The following RFX2 variants were observed in gnomAD, a reference collection of about 807,000 sequenced individuals.
RFX2 encodes regulatory factor X2.
Under a neutral mutation model 87.8 loss-of-function variants are expected in RFX2, and 20 were observed. The observed-to-expected ratio is 0.23, with a 90% CI of 0.16 to 0.33. The LOEUF (loss-of-function observed/expected upper bound fraction) is 0.33, where lower values mean the gene tolerates loss of function less well. Among genes scored for constraint, RFX2 ranks in the 10% least tolerant of loss-of-function variants. The pLI is 1.00. For synonymous variants in RFX2, 397 were observed against 431.3 expected, an observed-to-expected ratio of 0.92 and a Z score of 0.98; for missense variants, 767 against 1,012.3, an observed-to-expected ratio of 0.76 and a Z score of 3.29.
At chr19:6,084,785 C>T (rs2144867426) in intron 1 of RFX2, among the ~76,000 whole-genome samples, 1 of 152,248 alleles carries the variant, frequency 6.6e-6, no homozygotes, top group Middle Eastern at 3.4e-3. Context: ...CAGGTGCCTG[C>T]CACCACGCCC....
At position 5,994,659 on chromosome 19, in the gene RFX2, T is replaced by C; in HGVS notation, c.*176A>G. The C allele has an allele frequency of 1.7e-6, 1 of 595,678 alleles. No homozygotes were observed. 36.9% of individuals were successfully genotyped at this position (595,678 alleles called of 1,614,324 possible). On this transcript the variant is annotated 3_prime_UTR_variant, in exon 18 of 18. Transcript: ENST00000303657. ...CAGTGGGAGCCCTGGCCTGGGCTTCTGTAGCTTCAACAACTGCTTTCCTTC... is the reference window on the plus strand; with the variant it reads ...CAGTGGGAGCCCTGGCCTGGGCTTCCGTAGCTTCAACAACTGCTTTCCTTC...
rs112237422 is a variant in RFX2, at chr19:6,063,243, C to T, written c.-8-15739G>A. 1.3e-3 allele frequency among the ~76,000 whole-genome samples: 193 copies of T among 152,332 alleles called. No individual in the cohort carries two copies. The highest frequency in any genetic ancestry group is 4.5e-3 in the African/African-American group (186 of 41,572). On this transcript the variant is annotated intron_variant, in intron 1 of 17. Transcript: ENST00000303657. This position sits in a 1 kb window ranked among gnomAD's most constrained non-coding sequence, Gnocchi z 4.0. ...ACCCCCAAGGACCCTCTGATTCCAA[C>T]GGAATTGGAGCCTACGCCTGCCAGA...
intron 1 of RFX2, among the ~76,000 whole-genome samples, chr19:6,096,632 G>C (rs915691504): frequency 2.3e-4 from 35 of 152,134 alleles, no homozygotes; most frequent in Non-Finnish European, 4.4e-5. Context: ...ATTTTTAGTA[G>C]AGACGGGGTT....
chr19:6,073,295 G>A, intron 1 of RFX2: 1 of 1,045,416 alleles, frequency 9.6e-7, no homozygotes, highest in Non-Finnish European at 1.5e-6. Flanking sequence ...AGATCTTGAT[G>A]CCCAACACTG....
Position 6,001,788 on chromosome 19 carries a change from T to G in RFX2, c.1859+27A>C. On this transcript the variant is annotated intron_variant, in intron 15 of 17. Coordinates refer to ENST00000303657, the MANE Select transcript of RFX2 (RefSeq NM_000635.4). This position sits in a 1 kb window ranked among gnomAD's most constrained non-coding sequence, Gnocchi z 5.6. ...TCTCAGAGCCCCCCACCCGCCAGAA[T>G]TCTCTCGGAGGTCTGGTGGGACTAA... 6.4e-7 allele frequency: 1 copy of G among 1,556,550 alleles called. No homozygotes were observed. Among genetic ancestry groups the G allele is most frequent in the Non-Finnish European group, 8.7e-7 (1 of 1,146,392 alleles).
intron 3 of RFX2, among the ~76,000 whole-genome samples, chr19:6,043,929 G>A (rs1296185762): frequency 2.0e-5 from 3 of 152,194 alleles, no homozygotes; most frequent in Admixed American, 6.5e-5. Context: ...CAGCAGGTGC[G>A]GGGTGCTCAC....
rs373805706 is a variant in RFX2 at position 6,071,414 on chromosome 19, C to A, written c.-8-23910G>T. Among the ~76,000 whole-genome samples, 25 of 152,266 alleles carry A rather than the reference C, an allele frequency of 1.6e-4. No homozygotes were observed. In the South Asian group the frequency reaches 1.9e-3, roughly 11 times the overall value. ...TGATCGTCTATCTTTGAGGCACAGA[C>A]ATATCTCAATTGGCCCGGGACAGAA... On this transcript the variant is annotated intron_variant, in intron 1 of 17. Coordinates refer to ENST00000303657, the MANE Select transcript of RFX2 (RefSeq NM_000635.4).
chr19:6,004,467 CATGGCCCAG>C lies in RFX2; in HGVS notation c.1403-178_1403-170del, dbSNP rs1327655186. On this transcript the variant is annotated intron_variant, in intron 12 of 17. Coordinates refer to ENST00000303657, the MANE Select transcript of RFX2 (RefSeq NM_000635.4). The surrounding 1 kb of genome is among the most constrained non-coding windows in gnomAD (Gnocchi z 4.8). ...ACACTTAGAAACGGGAAGAACCAGG[CATGGCCCAG>C]CGCTGCTGGTCACCACCCACTGCCT... 6.6e-6 allele frequency among the ~76,000 whole-genome samples: 1 copy of C among 152,258 alleles called. No individual in the cohort carries two copies. Among genetic ancestry groups the C allele is most frequent in the African/African-American group, 2.4e-5 (1 of 41,472 alleles).
At chr19:6,105,984 C>T in intron 1 of RFX2, among the ~76,000 whole-genome samples, 1 of 152,146 alleles carries the variant, frequency 6.6e-6, no homozygotes, top group Admixed American at 6.5e-5. Flanking sequence ...CAGAGAAGAG[C>T]TTAGAATCCT....
In RFX2 at chr19:6,083,625, T is replaced by C. The variant is rs1444191549; in HGVS notation, c.-9+26768A>G. Among the ~76,000 whole-genome samples the C allele has an allele frequency of 6.6e-6, 1 of 151,360 alleles. No homozygotes were observed. Among genetic ancestry groups the C allele is most frequent in the African/African-American group, 2.4e-5 (1 of 41,030 alleles). On this transcript the variant is annotated intron_variant, in intron 1 of 17. Coordinates refer to ENST00000303657, the MANE Select transcript of RFX2 (RefSeq NM_000635.4). This position sits in a 1 kb window ranked among gnomAD's most constrained non-coding sequence, Gnocchi z 4.6. ...TCTTGCTCTGTCATCCAGGCTGGAGTGCAGTGGTGCAAACATGGCTCACTG... is the reference window on the plus strand; with the variant it reads ...TCTTGCTCTGTCATCCAGGCTGGAGCGCAGTGGTGCAAACATGGCTCACTG...
At chr19:6,109,893 T>G (rs2088278732) in intron 1 of RFX2, among the ~76,000 whole-genome samples, 1 of 146,984 alleles carries the variant, frequency 6.8e-6, no homozygotes, top group Non-Finnish European at 1.5e-5. Context: ...ATCTGGGGAG[T>G]AAACGTGAGA....
chr19:6,013,063 C>T lies in RFX2; in HGVS notation c.822G>A (p.Pro274=), dbSNP rs146756503. ...CCTGCAGCCGGTTCAGTGGTGAGTCCGGCTTCAGACGAATCCCATAGTAAT... is the reference window on the plus strand; with the variant it reads ...CCTGCAGCCGGTTCAGTGGTGAGTCTGGCTTCAGACGAATCCCATAGTAAT... ...KYHYYGIRLK[P]DSPLNRLQED... is the part of the protein sequence containing the mutation. Residue 274 remains proline, a synonymous_variant, in exon 8 of 18, where the codon CCG becomes CCA. Coordinates refer to ENST00000303657, the MANE Select transcript of RFX2 (RefSeq NM_000635.4). This position sits in a 1 kb window ranked among gnomAD's most constrained non-coding sequence, Gnocchi z 4.1. 6.2e-5 allele frequency: 99 copies of T among 1,599,898 alleles called. 1 individual carries two copies. Among genetic ancestry groups the T allele is most frequent in the South Asian group, 5.9e-4 (52 of 88,874 alleles).
In RFX2 at chr19:5,993,176, C is replaced by T. The variant is rs145817546; in HGVS notation, c.*1659G>A. 1.3e-5 allele frequency: 2 copies of T among 152,370 alleles called. No individual in the cohort carries two copies. Among genetic ancestry groups the T allele is most frequent in the African/African-American group, 4.8e-5 (2 of 41,576 alleles). The allele number at this position is 152,370 out of a possible 1,614,324, so 9.4% of individuals were successfully genotyped here. ...ACAGGCCAGAGCCTAAGGCAGAAAC[C>T]AGCTTGTATTGGTTACCAGGAGTGA... On this transcript the variant is annotated 3_prime_UTR_variant, in exon 18 of 18. Transcript: ENST00000303657.
chr19:6,107,479 T>C (rs2088235270), intron 1 of RFX2, among the ~76,000 whole-genome samples: 1 of 151,714 alleles, frequency 6.6e-6, no homozygotes, highest in Non-Finnish European at 1.5e-5. Context: ...TAGCCGGGTG[T>C]GGGGGTGCAT....
intron 1 of RFX2, chr19:6,068,017 T>A (rs7255387): frequency 6.6e-6 from 1 of 152,106 alleles, no homozygotes; most frequent in South Asian, 2.1e-4. Flanking sequence ...ACTGTTAGAA[T>A]TTGAATCTGT....
chr19:6,020,963 C>T lies in RFX2; in HGVS notation c.598-4692G>A, dbSNP rs557132635. ...CGAAATGCCAGCGCCTCCCTCTCCC[C>T]GGCCCCCCAACAAAGGCCTGTGGTT... On this transcript the variant is annotated intron_variant, in intron 6 of 17. Transcript: ENST00000303657. The surrounding 1 kb of genome is among the most constrained non-coding windows in gnomAD (Gnocchi z 5.3). Among the ~76,000 whole-genome samples the T allele has an allele frequency of 1.8e-4, 28 of 152,334 alleles. No homozygotes were observed. Among genetic ancestry groups the T allele is most frequent in the South Asian group, 8.3e-4 (4 of 4,830 alleles).
rs1265147152 is a variant in RFX2 at position 6,056,026 on chromosome 19, C to G, written c.-8-8522G>C. On this transcript the variant is annotated intron_variant, in intron 1 of 17. Coordinates refer to ENST00000303657, the MANE Select transcript of RFX2 (RefSeq NM_000635.4). This position sits in a 1 kb window ranked among gnomAD's most constrained non-coding sequence, Gnocchi z 4.6. ...AAAATCATAATAGTGGGTGGGGGGG[C>G]AGGTGGCGGTGGGCGAGAGTGACTG... is the stretch of plus-strand genomic sequence containing the variant. Among the ~76,000 whole-genome samples the G allele has an allele frequency of 6.6e-6, 1 of 151,040 alleles. No individual in the cohort carries two copies. The highest frequency in any genetic ancestry group is 2.4e-5 in the African/African-American group (1 of 40,938).
Position 6,016,361 on chromosome 19 carries a change from C to T in RFX2, c.598-90G>A. On this transcript the variant is annotated intron_variant, in intron 6 of 17. Coordinates refer to ENST00000303657, the MANE Select transcript of RFX2 (RefSeq NM_000635.4). The surrounding 1 kb of genome is among the most constrained non-coding windows in gnomAD (Gnocchi z 5.4). Reference sequence around the variant, plus strand: ...ACTCATTAAGAGAATTACTTGCGTTCCCTGTGTTACCAAATGGGATGAGGA... The same window carrying T: ...ACTCATTAAGAGAATTACTTGCGTTTCCTGTGTTACCAAATGGGATGAGGA... 1.2e-6 allele frequency: 1 copy of T among 829,740 alleles called. No individual in the cohort carries two copies. The highest frequency in any genetic ancestry group is 2.8e-5 in the East Asian group (1 of 35,930). The allele number at this position is 829,740 out of a possible 1,614,324, so 51.4% of individuals were successfully genotyped here. A position where few individuals can be genotyped will look rare whatever the true frequency, so the allele number is the denominator to read the frequency against.
Position 6,026,173 on chromosome 19 carries a change from A to T in RFX2, c.587T>A (p.Leu196His), listed in dbSNP as rs2086886256. ...EGITSHKSGL[L>H]NSHLQWLLDN... is the part of the protein sequence containing the mutation. ...CAGACGCACACTTACATGGCTGTTG[A>T]GTAAACCGCTTTTGTGTGATGTGAT... The change falls in exon 6 of 18, where the codon CTC becomes CAC. Residue 196 changes from leucine to histidine, a missense_variant. Physicochemically the swap from Leu to His is moderately conservative, Grantham distance 99. Around this residue, in one of 2 missense-constraint regions of RFX2, gnomAD observed 621 missense variants for 873.0 expected, o/e 0.71. Transcript: ENST00000303657. The surrounding 1 kb of genome is among the most constrained non-coding windows in gnomAD (Gnocchi z 4.5). The T allele has an allele frequency of 6.2e-7, 1 of 1,613,624 alleles. No homozygotes were observed. Among genetic ancestry groups the T allele is most frequent in the Admixed American group, 1.7e-5 (1 of 59,952 alleles).
Sources: gnomAD v4.1 joint callset for allele counts (sites outside exome capture counted in the v4.1 genomes callset) on GRCh38, gnomAD v4.1.1 for gene constraint, gnomAD v4.1.1 regional missense constraint, Gnocchi (gnomAD v3.1) non-coding constraint, MANE v1.5 for transcripts, NCBI Gene and HGNC (gene_info 2026-07-23, HGNC 2026-07-21) for gene names.